The following CFAP46 variants were observed in gnomAD, a reference collection of about 807,000 sequenced individuals.
CFAP46 encodes the protein cilia- and flagella-associated protein 46.
In CFAP46, 245 loss-of-function variants were observed where a neutral mutation model predicts 325.7. That is an observed-to-expected ratio of 0.75 (90% CI 0.68 to 0.84). The LOEUF is 0.84. Ranked by LOEUF, CFAP46 falls within the 40% of genes least tolerant of loss-of-function variation. The pLI is 0.00. For synonymous variants in CFAP46, 1,523 were observed against 1,495.9 expected, an observed-to-expected ratio of 1.02 and a Z score of -0.42; for missense variants, 3,346 against 3,543.0, an observed-to-expected ratio of 0.94 and a Z score of 1.41.
At chr10:132,904,380 C>T (rs1466913248) in intron 22 of CFAP46, among the ~76,000 whole-genome samples, 1 of 130,206 alleles carries the variant, frequency 7.7e-6, no homozygotes, top group Non-Finnish European at 1.6e-5. Context: ...CAACACTGCG[C>T]CCAGGGCAGA....
At chr10:132,924,938 G>C in intron 10 of CFAP46, 52 bp from the exon 11 acceptor site, 1 of 1,351,394 alleles carries the variant, frequency 7.4e-7, no homozygotes, top group Non-Finnish European at 9.6e-7. Flanking sequence ...CGAGCTGCGG[G>C]GCTGGGGCGG....
chr10:132,938,742 A>G lies in CFAP46; in HGVS notation c.383T>C (p.Leu128Ser), dbSNP rs555272927. Residue 128 changes from leucine (L) to serine (S), a missense_variant, in exon 5 of 58, where the codon TTG becomes TCG. By Grantham distance (145) the Leu-to-Ser change is moderately radical. Coordinates refer to ENST00000368586, the MANE Select transcript of CFAP46 (RefSeq NM_001200049.3). ...GTAGAGGACTGATGCATTGTACACCAAAAAGTAGTACCTGCGGCGCGAGCA... is the reference window on the plus strand; with the variant it reads ...GTAGAGGACTGATGCATTGTACACCGAAAAGTAGTACCTGCGGCGCGAGCA... ...FAKGEPRYYF[L>S]VYNASVLYWQ... The G allele has an allele frequency of 1.2e-6, 2 of 1,612,224 alleles. No individual in the cohort carries two copies. The highest frequency in any genetic ancestry group is 2.2e-5 in the South Asian group (2 of 90,974).
Position 132,935,631 on chromosome 10 carries a change from T to C in CFAP46, c.756-769A>G, listed in dbSNP as rs796262851. ...CGCTCCCCTCGGCACCCAAACACAC[T>C]GTGATCTCCTCACTCCCCTCAGCAC... On this transcript the variant is annotated intron_variant, in intron 7 of 57. Transcript: ENST00000368586. Among the ~76,000 whole-genome samples the C allele has an allele frequency of 3.6e-3, 476 of 132,402 alleles. 3 individuals are homozygous for C. Among genetic ancestry groups the C allele is most frequent in the Non-Finnish European group, 4.5e-3 (276 of 61,262 alleles). 86.9% of individuals were successfully genotyped at this position (132,402 alleles called of 152,430 possible).
chr10:132,910,510 C>T (rs1174710404), intron 19 of CFAP46, among the ~76,000 whole-genome samples: 1 of 146,508 alleles, frequency 6.8e-6, no homozygotes, highest in African/African-American at 2.8e-5. Flanking sequence ...TGCGCCCCAG[C>T]TCCCTGTCTT....
Position 132,869,070 on chromosome 10 carries a change from T to C in CFAP46, c.4610+204A>G, listed in dbSNP as rs1328623564. Among the ~76,000 whole-genome samples, 1 of 150,358 alleles carries C rather than the reference T, an allele frequency of 6.7e-6. No homozygotes were observed. The highest frequency in any genetic ancestry group is 1.5e-5 in the Non-Finnish European group (1 of 67,636). On this transcript the variant is annotated intron_variant, in intron 33 of 57. Transcript: ENST00000368586. This position sits in a 1 kb window ranked among gnomAD's most constrained non-coding sequence, Gnocchi z 6.2. ...CCTGGAGAGCCCCCCTCACCGCCCC[T>C]CCCTCCCTCTGTGAGGAGCACCTCC...
chr10:132,877,963 CTCTCCT>C lies in CFAP46; in HGVS notation c.4124_4129del (p.Lys1375_Glu1376del). On this transcript the variant is annotated inframe_deletion, in exon 30 of 58. Coordinates refer to ENST00000368586, the MANE Select transcript of CFAP46 (RefSeq NM_001200049.3). The surrounding 1 kb of genome is among the most constrained non-coding windows in gnomAD (Gnocchi z 5.7). ...CCTCTCATTCTCCTTCTCTTTACTC[CTCTCCT>C]TCTCCTTCTCTTTACTCCTCTCATT... 1 of 1,549,216 alleles carries C rather than the reference CTCTCCT, an allele frequency of 6.5e-7. No homozygotes were observed. Among genetic ancestry groups the C allele is most frequent in the East Asian group, 2.4e-5 (1 of 40,888 alleles).
At chr10:132,873,598 A>ATCTT (rs1183421564) in intron 31 of CFAP46, among the ~76,000 whole-genome samples, 1 of 152,006 alleles carries the variant, frequency 6.6e-6, no homozygotes, top group Non-Finnish European at 1.5e-5. Context: ...GCCCACCAAG[A>ATCTT]GCTCCACTCT....
intron 48 of CFAP46, 113 bp downstream of exon 48, chr10:132,834,541 G>A: frequency 6.8e-7 from 1 of 1,468,710 alleles, no homozygotes; most frequent in Non-Finnish European, 9.1e-7. Flanking sequence ...GCCGAGTCCT[G>A]AACAAAGGCG....
At chr10:132,942,397 G>A (rs1850121370) in intron 1 of CFAP46, 39 bp downstream of exon 1, 1 of 1,362,626 alleles carries the variant, frequency 7.3e-7, no homozygotes, top group Non-Finnish European at 9.4e-7. Context: ...GGGTCCCGGG[G>A]CCTCCCCGGG....
chr10:132,933,045 A>G (rs552227716), intron 8 of CFAP46, among the ~76,000 whole-genome samples: 80 of 152,324 alleles, frequency 5.3e-4, no homozygotes, highest in African/African-American at 1.9e-3. Flanking sequence ...CCCGGGGAGT[A>G]ATCACAGTCT....
chr10:132,935,391 ACTCCCCTC>A, intron 7 of CFAP46, among the ~76,000 whole-genome samples: 2 of 139,792 alleles, frequency 1.4e-5, no homozygotes, highest in African/African-American at 2.9e-5. Flanking sequence ...TGATCTCCTC[ACTCCCCTC>A]AGCACCCAAA....
intron 44 of CFAP46, 143 bp from the exon 45 acceptor site, chr10:132,837,057 G>C: frequency 1.6e-6 from 1 of 638,038 alleles, no homozygotes; most frequent in South Asian, 1.9e-5. Context: ...GGCCCTTGGG[G>C]TGGGGGGCCC....
chr10:132,851,903 G>T (rs1848555629), intron 39 of CFAP46, among the ~76,000 whole-genome samples: 1 of 149,082 alleles, frequency 6.7e-6, no homozygotes, highest in Non-Finnish European at 1.5e-5. Context: ...GACGTGGTAT[G>T]TTCCTCCATT....
At chr10:132,941,744 G>T in intron 2 of CFAP46, 22 bp from the exon 3 acceptor site, 1 of 1,613,484 alleles carries the variant, frequency 6.2e-7, no homozygotes, top group Admixed American at 1.7e-5. Context: ...CACCACCACA[G>T]AAGATCACAG....
In CFAP46 at chr10:132,858,390, G is replaced by A. The variant is rs376638379; in HGVS notation, c.5376-602C>T. 7.2e-4 allele frequency among the ~76,000 whole-genome samples: 107 copies of A among 148,392 alleles called. 2 individuals are homozygous for A. Among genetic ancestry groups the A allele is most frequent in the South Asian group, 1.6e-3 (7 of 4,406 alleles). On this transcript the variant is annotated intron_variant, in intron 38 of 57. Coordinates refer to ENST00000368586, the MANE Select transcript of CFAP46 (RefSeq NM_001200049.3). Reference sequence around the variant, plus strand: ...CGGGGCCAGGGAGGCTTTGCTGGGGGTGGCCCCAGGTTGGAGGCAGGGCGG... The same window carrying A: ...CGGGGCCAGGGAGGCTTTGCTGGGGATGGCCCCAGGTTGGAGGCAGGGCGG...
At chr10:132,846,848 C>CG in intron 43 of CFAP46, 84 bp downstream of exon 43, 1 of 1,471,032 alleles carries the variant, frequency 6.8e-7, no homozygotes, top group Non-Finnish European at 9.0e-7. Context: ...TGGAGTCCCC[C>CG]CAAGGCGAGG....
At chr10:132,858,354 A>G in intron 38 of CFAP46, among the ~76,000 whole-genome samples, 1 of 88,424 alleles carries the variant, frequency 1.1e-5, no homozygotes, top group Non-Finnish European at 2.3e-5. Flanking sequence ...GGTTGGAGGC[A>G]GGGCGGTGGG....
intron 11 of CFAP46, among the ~76,000 whole-genome samples, chr10:132,924,204 C>T (rs1005976243): frequency 1.1e-4 from 16 of 151,412 alleles, no homozygotes; most frequent in African/African-American, 3.9e-4. Flanking sequence ...TGATGCCTGC[C>T]GCCTGCCTGC....
At chr10:132,823,737 C>CTA (rs1847951727) in intron 50 of CFAP46, among the ~76,000 whole-genome samples, 1 of 78,342 alleles carries the variant, frequency 1.3e-5, no homozygotes, top group Non-Finnish European at 2.4e-5. Context: ...CTGATGTGTG[C>CTA]TGTGTGCGCT....
Sources: allele counts gnomAD v4.1 joint callset (sites outside exome capture counted in the v4.1 genomes callset), GRCh38; gene constraint gnomAD v4.1.1; non-coding constraint Gnocchi (gnomAD v3.1); transcripts MANE v1.5; gene names NCBI Gene and HGNC (gene_info 2026-07-23, HGNC 2026-07-21).